The following NLRP8 variants were observed in gnomAD, a reference collection of about 807,000 sequenced individuals.
The protein encoded by NLRP8 is NLR family pyrin domain containing 8.
NLRP8 carries 86 observed loss-of-function variants against 88.7 expected under a neutral mutation model. The observed-to-expected ratio is 0.97, with a 90% CI of 0.81 to 1.16. NLRP8 has a LOEUF of 1.16. Among genes scored for constraint, NLRP8 ranks in the 50% most tolerant of loss-of-function variants. NLRP8 has a pLI of 0.00. For missense variants in NLRP8, 1,342 were observed against 1,286.5 expected (o/e 1.04, Z -0.66); for synonymous variants, 504 against 494.6 (o/e 1.02, Z -0.25).
chr19:55,971,439 CAAAAAAAA>C (rs34787079), intron 6 of NLRP8, among the ~76,000 whole-genome samples: 2 of 87,014 alleles, frequency 2.3e-5, no homozygotes, highest in Admixed American at 2.8e-4. Context: ...AGACTCGTCT[CAAAAAAAA>C]AAAAAAAAAA....
At chr19:55,977,961 T>G (rs1331859984) in intron 8 of NLRP8, among the ~76,000 whole-genome samples, 1 of 152,222 alleles carries the variant, frequency 6.6e-6, no homozygotes, top group Non-Finnish European at 1.5e-5. Flanking sequence ...TTTTAAATGT[T>G]GATTTATCTC....
intron 8 of NLRP8, among the ~76,000 whole-genome samples, chr19:55,978,206 T>C (rs28502678): frequency 6.6e-6 from 1 of 152,264 alleles, no homozygotes; most frequent in South Asian, 2.1e-4. Flanking sequence ...TTTTTTTAAA[T>C]TTTTTTATTA....
intron 8 of NLRP8, among the ~76,000 whole-genome samples, 194 bp downstream of exon 8, chr19:55,976,497 C>G (rs1980333247): frequency 6.6e-6 from 1 of 152,022 alleles, no homozygotes; most frequent in African/African-American, 2.4e-5. Flanking sequence ...CTGGGCAGGA[C>G]ACACACAAAT....
At position 55,962,097 on chromosome 19, in the gene NLRP8, G is replaced by A. The variant is rs1979637507; in HGVS notation, c.2073G>A (p.Trp691Ter). The change falls in exon 4 of 10, where the codon TGG becomes TGA. Residue 691 changes from tryptophan to a stop codon, truncating the protein, a stop_gained. Transcript: ENST00000291971. LOFTEE classifies it high-confidence loss of function. ...CAGAGAGCAATGGGCTGCATCGTTG[G>A]TGGCAAGACTTATGCTCTGTGTTTG... 1.9e-6 allele frequency: 3 copies of A among 1,614,180 alleles called. No homozygotes were observed. Among genetic ancestry groups the A allele is most frequent in the Non-Finnish European group, 2.5e-6 (3 of 1,180,006 alleles).
chr19:55,982,907 T>A (rs1980632924), intron 9 of NLRP8, among the ~76,000 whole-genome samples: 1 of 152,114 alleles, frequency 6.6e-6, no homozygotes, highest in South Asian at 2.1e-4. Context: ...GATGCATCAC[T>A]GCACTCCAGC....
At chr19:55,983,429 A>G (rs986751248) in intron 9 of NLRP8, among the ~76,000 whole-genome samples, 15 of 143,830 alleles carry the variant, frequency 1.0e-4, no homozygotes, top group Non-Finnish European at 1.5e-4. Flanking sequence ...TTGCCACTGC[A>G]CTACAGCCTG....
Position 55,950,312 on chromosome 19 carries a change from G to A in NLRP8, c.367+2043G>A, listed in dbSNP as rs369202983. Among the ~76,000 whole-genome samples, 5 of 150,872 alleles carry A rather than the reference G, an allele frequency of 3.3e-5. No homozygotes were observed. In the East Asian group the frequency reaches 7.8e-4, roughly 23 times the overall value. ...CGGGTGCCTGTAATCCCAGCTATTC[G>A]GGAGGCTAAGGCAAGAGAATTGCTT... On this transcript the variant is annotated intron_variant, in intron 1 of 9. Transcript: ENST00000291971.
intron 1 of NLRP8, 62 bp downstream of exon 1, chr19:55,948,331 C>G (rs1978945534): frequency 2.0e-6 from 3 of 1,527,640 alleles, no homozygotes; most frequent in Non-Finnish European, 2.7e-6. Context: ...CTAAACTACT[C>G]TAGTCACCAC....
At chr19:55,965,505 A>G (rs1305888684) in intron 4 of NLRP8, among the ~76,000 whole-genome samples, 1 of 152,044 alleles carries the variant, frequency 6.6e-6, no homozygotes, top group Non-Finnish European at 1.5e-5. Flanking sequence ...TATAAATAAA[A>G]ATTTTAAAAC....
chr19:55,949,502 T>G (rs187002234), intron 1 of NLRP8, among the ~76,000 whole-genome samples: 11 of 152,214 alleles, frequency 7.2e-5, no homozygotes, highest in Admixed American at 7.2e-4. Context: ...CCTCCCAAAG[T>G]GCTGGAATTA....
chr19:55,952,531 G>C lies in NLRP8; in HGVS notation c.368-7G>C, dbSNP rs1413507923. 6.2e-7 allele frequency: 1 copy of C among 1,612,568 alleles called. No individual in the cohort carries two copies. Among genetic ancestry groups the C allele is most frequent in the African/African-American group, 1.3e-5 (1 of 74,812 alleles). On this transcript the variant is annotated splice_region_variant and splice_polypyrimidine_tract_variant and intron_variant, in intron 1 of 9. Transcript: ENST00000291971. Reference sequence around the variant, plus strand: ...CCCGTGGAACAGCCTCCTTTTTTCTGTTACAGCCATTCTGCCTACCTTGGA... The same window carrying C: ...CCCGTGGAACAGCCTCCTTTTTTCTCTTACAGCCATTCTGCCTACCTTGGA...
intron 3 of NLRP8, among the ~76,000 whole-genome samples, chr19:55,959,281 G>C (rs575857565): frequency 1.3e-5 from 2 of 150,144 alleles, no homozygotes; most frequent in African/African-American, 4.9e-5. Context: ...GCGTGATCTC[G>C]GCTCACTGCA....
chr19:55,966,407 G>A (rs1484261333), intron 5 of NLRP8, 27 bp downstream of exon 5: 2 of 1,607,656 alleles, frequency 1.2e-6, no homozygotes, highest in Non-Finnish European at 1.7e-6. Flanking sequence ...GGGTTAGAGT[G>A]GGAACCGGGG....
intron 3 of NLRP8, among the ~76,000 whole-genome samples, chr19:55,959,645 T>C (rs1032907047): frequency 3.3e-5 from 5 of 152,226 alleles, no homozygotes; most frequent in African/African-American, 1.2e-4. Flanking sequence ...AGGCTGCTTA[T>C]TCTCACAGCC....
chr19:55,954,511 G>A lies in NLRP8; in HGVS notation c.453G>A (p.Arg151=), dbSNP rs1239428612. ...ATCTCACAAATCTAGGTAAAATACG[G>A]CGGTATAAATCGAATGTGATGGAAA... Residue 151 remains arginine (R), a synonymous_variant, in exon 3 of 10, where the codon CGG becomes CGA. Transcript: ENST00000291971. 1 of 1,613,302 alleles carries A rather than the reference G, an allele frequency of 6.2e-7. No homozygotes were observed. Among genetic ancestry groups the A allele is most frequent in the Non-Finnish European group, 8.5e-7 (1 of 1,179,600 alleles).
Position 55,955,800 on chromosome 19 carries a change from T to C in NLRP8, c.1742T>C (p.Phe581Ser), listed in dbSNP as rs1449747057. The change falls in exon 3 of 10, where the codon TTC (phenylalanine) becomes TCC (serine). Residue 581 changes from phenylalanine (F) to serine (S), a missense_variant. Transcript: ENST00000291971. ...CAGTCATTCCAATGCAAGGTGTCTT[T>C]CGGTAATAAGAGGAAACTGCTGAAA... 6.2e-7 allele frequency: 1 copy of C among 1,614,156 alleles called. No homozygotes were observed. Among genetic ancestry groups the C allele is most frequent in the South Asian group, 1.1e-5 (1 of 91,084 alleles).
At chr19:55,972,790 GGT>G (rs779127687) in intron 6 of NLRP8, among the ~76,000 whole-genome samples, 7 of 138,882 alleles carry the variant, frequency 5.0e-5, no homozygotes, top group East Asian at 2.0e-4. Flanking sequence ...AGTATTCCAT[GGT>G]GTGTGTGTGT....
intron 2 of NLRP8, among the ~76,000 whole-genome samples, chr19:55,953,536 G>A (rs1019831659): frequency 8.6e-5 from 13 of 151,098 alleles, no homozygotes; most frequent in African/African-American, 2.4e-4. Flanking sequence ...TCGCTCTGTC[G>A]CCCAGGCTGG....
At chr19:55,984,259 C>T (rs757703537) in intron 9 of NLRP8, among the ~76,000 whole-genome samples, 67 of 152,010 alleles carry the variant, frequency 4.4e-4, no homozygotes, top group Non-Finnish European at 6.8e-4. Flanking sequence ...CACAACAACT[C>T]GATATATGAA....
Sources: allele counts gnomAD v4.1 joint callset (sites outside exome capture counted in the v4.1 genomes callset), GRCh38; gene constraint gnomAD v4.1.1; transcripts MANE v1.5; gene names NCBI Gene and HGNC (gene_info 2026-07-23, HGNC 2026-07-21).